PACS2: variants seen among roughly 807,000 people sequenced by gnomAD.
The protein encoded by PACS2 is phosphofurin acidic cluster sorting protein 2, also known as PACS1-like protein.
In PACS2, 36 loss-of-function variants were observed where a neutral mutation model predicts 113.0. The observed-to-expected ratio is 0.32, with a 90% CI of 0.24 to 0.42. The LOEUF (loss-of-function observed/expected upper bound fraction) is 0.42. Ranked by LOEUF, PACS2 falls within the 10% of genes least tolerant of loss-of-function variation. The pLI, the probability that PACS2 is intolerant of heterozygous loss-of-function variation, is 1.00. For synonymous variants in PACS2, 589 were observed against 536.1 expected (o/e 1.10, Z -1.36); for missense variants, 1,015 against 1,239.5 (o/e 0.82, Z 2.72).
chr14:105,352,955 G>T (rs1386012468), intron 3 of PACS2, among the ~76,000 whole-genome samples: 6 of 131,374 alleles, frequency 4.6e-5, no homozygotes, highest in African/African-American at 1.8e-4. Flanking sequence ...AGTGTCCCCT[G>T]GGGAGACGGG....
Position 105,391,981 on chromosome 14 carries a change from C to T in PACS2, c.2255+215C>T, listed in dbSNP as rs148675514. On this transcript the variant is annotated intron_variant, in intron 22 of 24. Transcript: ENST00000447393. ...GCAGGACCTCTGGGGGACAGAAACT[C>T]CTGCACAGTGAATAAACATGGGCGT... is the stretch of plus-strand genomic sequence containing the variant. 1.3e-3 allele frequency: 747 copies of T among 566,876 alleles called. 8 individuals are homozygous for T. The African/African-American group carries it at 0.013, about 10-fold the overall frequency. 35.1% of individuals were successfully genotyped at this position (566,876 alleles called of 1,614,324 possible).
chr14:105,378,215 C>G (rs1395499611), intron 9 of PACS2, among the ~76,000 whole-genome samples: 1 of 152,214 alleles, frequency 6.6e-6, no homozygotes, highest in Non-Finnish European at 1.5e-5. Context: ...AGATCCTCTC[C>G]CATCTTAAAC....
chr14:105,363,887 C>T (rs1394125681), intron 4 of PACS2, among the ~76,000 whole-genome samples: 3 of 152,068 alleles, frequency 2.0e-5, no homozygotes, highest in Non-Finnish European at 2.9e-5. Context: ...TAGTAATTGG[C>T]CTAATTTCCA....
In PACS2 at chr14:105,329,583, C is replaced by T. The variant is rs947311833; in HGVS notation, c.119+14546C>T. Among the ~76,000 whole-genome samples, 10 of 152,102 alleles carry T rather than the reference C, an allele frequency of 6.6e-5. No homozygotes were observed. Among genetic ancestry groups the T allele is most frequent in the Non-Finnish European group, 1.2e-4 (8 of 68,016 alleles). On this transcript the variant is annotated intron_variant, in intron 1 of 24. Transcript: ENST00000447393. The surrounding 1 kb of genome is among the most constrained non-coding windows in gnomAD (Gnocchi z 6.4). ...GGTCCTGGGCACCCTCTGGAGAGAC[C>T]GCTCTGGTGTCAGCCAAGTGGCGGG...
chr14:105,360,329 C>T (rs1158193532), intron 4 of PACS2, among the ~76,000 whole-genome samples: 4 of 151,988 alleles, frequency 2.6e-5, no homozygotes, highest in African/African-American at 9.7e-5. Flanking sequence ...CACCTGAGGT[C>T]AGGTGTTCGA....
rs1171083966 is a variant in PACS2 at position 105,365,413 on chromosome 14, A to G, written c.424-1800A>G. Among the ~76,000 whole-genome samples, 1 of 152,082 alleles carries G rather than the reference A, an allele frequency of 6.6e-6. No homozygotes were observed. Among genetic ancestry groups the G allele is most frequent in the African/African-American group, 2.4e-5 (1 of 41,428 alleles). ...TCACATATAGGTCGACCACAGGCTG[A>G]GTGGAGCGGGGGCTAATCAACAACC... On this transcript the variant is annotated intron_variant, in intron 4 of 24. Transcript: ENST00000447393. The surrounding 1 kb of genome is among the most constrained non-coding windows in gnomAD (Gnocchi z 5.1).
chr14:105,390,016 C>T lies in PACS2; in HGVS notation c.2076+13C>T. The T allele has an allele frequency of 6.2e-7, 1 of 1,612,604 alleles. No individual in the cohort carries two copies. The highest frequency in any genetic ancestry group is 1.1e-5 in the South Asian group (1 of 91,066). On this transcript the variant is annotated intron_variant, in intron 20 of 24. Coordinates refer to ENST00000447393, the MANE Select transcript of PACS2 (RefSeq NM_001100913.3). ...TCCCTTTGTCGGGGTGAGTACTGGC[C>T]AGCTTTATGTGATGGGAAACCGCAC...
intron 1 of PACS2, among the ~76,000 whole-genome samples, chr14:105,304,100 C>T (rs1212801168): frequency 6.6e-6 from 1 of 152,242 alleles, no homozygotes. Context: ...CGGTGCAGGA[C>T]AGTCAGGCAG....
intron 1 of PACS2, among the ~76,000 whole-genome samples, chr14:105,337,680 G>A (rs1381047601): frequency 6.6e-6 from 1 of 152,182 alleles, no homozygotes; most frequent in Admixed American, 6.5e-5. Context: ...TTCAAAATGG[G>A]AAGTGGTCTC....
chr14:105,335,061 C>T (rs2059459922), intron 1 of PACS2, among the ~76,000 whole-genome samples: 1 of 152,232 alleles, frequency 6.6e-6, no homozygotes, highest in Non-Finnish European at 1.5e-5. Flanking sequence ...GAAGTACAGG[C>T]CCAGCAGGTC....
rs782107495 is a variant in PACS2 at position 105,379,770 on chromosome 14, T to C, written c.991T>C (p.Ser331Pro). 1 of 1,613,672 alleles carries C rather than the reference T, an allele frequency of 6.2e-7. No individual in the cohort carries two copies. The highest frequency in any genetic ancestry group is 1.1e-5 in the South Asian group (1 of 91,076). Residue 331 changes from serine (S) to proline (P), a missense_variant, in exon 10 of 25, where the codon TCG becomes CCG. Ser to Pro is a moderately conservative substitution (Grantham distance 74, BLOSUM62 -1). This residue lies in a region of PACS2 where 859 missense variants were observed against 1,056.8 expected (regional missense o/e 0.81). Coordinates refer to ENST00000447393, the MANE Select transcript of PACS2 (RefSeq NM_001100913.3). ...PYFEGLSHSS[S>P]QTEIGSIHSA... is the part of the protein sequence containing the mutation. ...CTTTGAAGGCCTGTCGCACTCGAGC[T>C]CGCAGACGGAGATTGGGAGCATCCA...
intron 24 of PACS2, 30 bp from the exon 25 acceptor site, chr14:105,394,524 G>C (rs1045420600): frequency 3.1e-6 from 5 of 1,608,674 alleles, no homozygotes; most frequent in Non-Finnish European, 4.2e-6. Flanking sequence ...CGGGCAGGGG[G>C]GCAGGCGGTC....
intron 5 of PACS2, 26 bp downstream of exon 5, chr14:105,367,401 G>A: frequency 6.2e-7 from 1 of 1,605,400 alleles, no homozygotes; most frequent in Non-Finnish European, 8.5e-7. Context: ...GCCCGCTCCT[G>A]CCCCTGCTGT....
intron 8 of PACS2, 155 bp downstream of exon 8, chr14:105,370,055 A>C: frequency 1.5e-6 from 1 of 645,466 alleles, no homozygotes; most frequent in Non-Finnish European, 2.6e-6. Context: ...AGGCGCAGTG[A>C]CAGTGGCACT....
intron 1 of PACS2, among the ~76,000 whole-genome samples, chr14:105,344,231 A>G (rs1220766011): frequency 4.0e-5 from 6 of 151,174 alleles, no homozygotes; most frequent in Non-Finnish European, 4.4e-5. Context: ...CTTTTAATAT[A>G]TGGTTGAATT....
At chr14:105,312,715 AG>A (rs1199939309), upstream of PACS2, among the ~76,000 whole-genome samples, 2 of 152,354 alleles carry the variant, frequency 1.3e-5, no homozygotes, top group East Asian at 3.9e-4. Context: ...CTGGCTAAAA[AG>A]TTACTCTGAT....
In PACS2 at chr14:105,315,054, G is replaced by A. The variant is rs1036380340; in HGVS notation, c.119+17G>A. Reference sequence around the variant, plus strand: ...CGTGCCCAGGTACGCGCCGCCCGCCGCGCTTTGTTCCCGCCGGGCACCTGC... The same window carrying A: ...CGTGCCCAGGTACGCGCCGCCCGCCACGCTTTGTTCCCGCCGGGCACCTGC... On this transcript the variant is annotated intron_variant, in intron 1 of 24. Transcript: ENST00000447393. This position sits in a 1 kb window ranked among gnomAD's most constrained non-coding sequence, Gnocchi z 4.4. 5.2e-6 allele frequency: 6 copies of A among 1,162,004 alleles called. No individual in the cohort carries two copies. The highest frequency in any genetic ancestry group is 5.0e-5 in the African/African-American group (3 of 60,514). The allele number at this position is 1,162,004 out of a possible 1,614,324, so 72.0% of individuals were successfully genotyped here.
chr14:105,363,302 C>G (rs1555407080), intron 4 of PACS2, among the ~76,000 whole-genome samples: 1 of 152,188 alleles, frequency 6.6e-6, no homozygotes, highest in African/African-American at 2.4e-5. Context: ...TCCTAGATGG[C>G]ATCTTCTTCC....
chr14:105,350,963 A>T (rs782313090), intron 2 of PACS2, among the ~76,000 whole-genome samples: 2 of 152,194 alleles, frequency 1.3e-5, no homozygotes, highest in African/African-American at 2.4e-5. Context: ...GGAGGACCAG[A>T]GTCCGCCATG....
Sources: gnomAD v4.1 joint callset for allele counts (sites outside exome capture counted in the v4.1 genomes callset) on GRCh38, gnomAD v4.1.1 for gene constraint, gnomAD v4.1.1 regional missense constraint, Gnocchi (gnomAD v3.1) non-coding constraint, MANE v1.5 for transcripts, NCBI Gene and HGNC (gene_info 2026-07-23, HGNC 2026-07-21) for gene names.